MYO18A: variants seen among roughly 807,000 people sequenced by gnomAD.
MYO18A encodes the protein myosin XVIIIA.
MYO18A carries 78 observed loss-of-function variants against 235.8 expected under a neutral mutation model. That is an observed-to-expected ratio of 0.33 (90% CI 0.28 to 0.40). The LOEUF is 0.40. Among genes scored for constraint, MYO18A ranks in the 10% least tolerant of loss-of-function variants. The pLI, the probability that MYO18A is intolerant of heterozygous loss-of-function variation, is 1.00. For synonymous variants in MYO18A, 977 were observed against 1,077.8 expected, an observed-to-expected ratio of 0.91 and a Z score of 1.83; for missense variants, 2,215 against 2,699.3, an observed-to-expected ratio of 0.82 and a Z score of 3.98.
At chr17:29,128,282 C>A in intron 2 of MYO18A, 1 of 1,186,112 alleles carries the variant, frequency 8.4e-7, no homozygotes, top group Non-Finnish European at 1.1e-6. Context: ...CTTGACTCCT[C>A]TGCCTGGGGT....
Position 29,116,613 on chromosome 17 carries a change from G to GCACGCACACACACACA in MYO18A, c.2039-159_2039-158insTGTGTGTGTGTGCGTG, listed in dbSNP as rs1555532995. Among the ~76,000 whole-genome samples, 10 of 144,928 alleles carry GCACGCACACACACACA rather than the reference G, an allele frequency of 6.9e-5. No homozygotes were observed. The East Asian group carries it at 1.3e-3, about 18-fold the overall frequency. ...AACCACAGTCAGACTTGGGACAAAC[G>GCACGCACACACACACA]CACACACACACAGTCTCCAGGGAGT... is the stretch of plus-strand genomic sequence containing the variant. On this transcript the variant is annotated intron_variant, in intron 10 of 41. Coordinates refer to ENST00000527372, the MANE Select transcript of MYO18A (RefSeq NM_078471.4).
chr17:29,106,007 A>G lies in MYO18A; in HGVS notation c.3441+1073T>C, dbSNP rs2066775920. 6.6e-6 allele frequency among the ~76,000 whole-genome samples: 1 copy of G among 152,068 alleles called. No homozygotes were observed. The highest frequency in any genetic ancestry group is 1.5e-5 in the Non-Finnish European group (1 of 68,010). ...GAGTGACTGCAGAGTGAACCATGGA[A>G]AAGGAGACAATTCACAGAGAAATGG... On this transcript the variant is annotated intron_variant, in intron 20 of 41. Coordinates refer to ENST00000527372, the MANE Select transcript of MYO18A (RefSeq NM_078471.4). The surrounding 1 kb of genome is among the most constrained non-coding windows in gnomAD (Gnocchi z 4.6).
At chr17:29,159,548 C>T (rs1397595492) in intron 2 of MYO18A, among the ~76,000 whole-genome samples, 2 of 152,212 alleles carry the variant, frequency 1.3e-5, no homozygotes, top group Non-Finnish European at 2.9e-5. Context: ...CCAAGGATCA[C>T]TTGCAGTAAA....
At chr17:29,108,805 C>T (rs930007634) in intron 19 of MYO18A, among the ~76,000 whole-genome samples, 9 of 50,640 alleles carry the variant, frequency 1.8e-4, no homozygotes, top group African/African-American at 7.8e-4. Context: ...AATTAATCAT[C>T]AGTGCTATAG....
rs1175780866 is a variant in MYO18A, at chr17:29,122,207, G to A, written c.1046C>T (p.Thr349Met). 30 of 1,613,458 alleles carry A rather than the reference G, an allele frequency of 1.9e-5. No individual in the cohort carries two copies. The highest frequency in any genetic ancestry group is 2.7e-5 in the African/African-American group (2 of 74,924). Residue 349 changes from threonine (T) to methionine (M), a missense_variant, in exon 3 of 42, where the codon ACG (threonine) becomes ATG (methionine). Thr to Met is a moderately conservative substitution (Grantham distance 81). Transcript: ENST00000527372. ...QIAAEEAWNE[T>M]EKVWLVHRDG... ...CCTATGGACCAGCCACACCTTCTCC[G>A]TCTCATTCCAGGCCTCTTCTGCTGC...
chr17:29,111,777 G>A lies in MYO18A; in HGVS notation c.2685C>T (p.Asp895=). The change falls in exon 16 of 42, where the codon GAC becomes GAT. Residue 895 remains aspartate (D), a synonymous_variant. Transcript: ENST00000527372. This position sits in a 1 kb window ranked among gnomAD's most constrained non-coding sequence, Gnocchi z 5.1. ...AGGAGAAAAGGCGCTCCAGGAGGGT[G>A]TCCTCACTGGCCCCTGGCACCAGAG... ...EEALVPGASE[D]TLLERLFSYY... is the part of the protein sequence containing the mutation. The A allele has an allele frequency of 6.2e-7, 1 of 1,613,832 alleles. No homozygotes were observed. The highest frequency in any genetic ancestry group is 8.5e-7 in the Non-Finnish European group (1 of 1,179,794).
At chr17:29,129,635 G>A (rs147145038) in intron 2 of MYO18A, among the ~76,000 whole-genome samples, 4 of 152,338 alleles carry the variant, frequency 2.6e-5, no homozygotes, top group African/African-American at 9.6e-5. Flanking sequence ...AATGATCTTG[G>A]TTCTAGAACA....
Position 29,140,406 on chromosome 17 carries a change from T to C in MYO18A, c.1000-18153A>G. The C allele has an allele frequency of 7.8e-7, 1 of 1,283,104 alleles. No individual in the cohort carries two copies. Among genetic ancestry groups the C allele is most frequent in the Non-Finnish European group, 1.0e-6 (1 of 985,852 alleles). 79.5% of individuals were successfully genotyped at this position (1,283,104 alleles called of 1,614,324 possible). A position where few individuals can be genotyped will look rare whatever the true frequency, so the allele number is the denominator to read the frequency against. On this transcript the variant is annotated intron_variant, in intron 2 of 41. Coordinates refer to ENST00000527372, the MANE Select transcript of MYO18A (RefSeq NM_078471.4). The surrounding 1 kb of genome is among the most constrained non-coding windows in gnomAD (Gnocchi z 4.2). ...CGCTCTGATGCTGCTCTGGCTCCGT[T>C]AGCAGCTCAAAATAGCACAGGCTGT...
At chr17:29,178,220 A>C (rs1004530938) in intron 1 of MYO18A, among the ~76,000 whole-genome samples, 1 of 152,146 alleles carries the variant, frequency 6.6e-6, no homozygotes, top group Non-Finnish European at 1.5e-5. Context: ...GGCATAACCC[A>C]CATGAGGAAA....
intron 7 of MYO18A, 116 bp from the exon 8 acceptor site, chr17:29,119,551 G>T: frequency 5.3e-6 from 3 of 566,482 alleles, no homozygotes; most frequent in East Asian, 3.4e-5. Flanking sequence ...ACAAGCAGCT[G>T]CATTTTTTTT....
intron 1 of MYO18A, among the ~76,000 whole-genome samples, chr17:29,169,251 C>T (rs558418740): frequency 2.0e-4 from 30 of 152,184 alleles, no homozygotes; most frequent in Middle Eastern, 3.4e-3. Flanking sequence ...GGGTTTTCAC[C>T]GTGTTAGCCA....
intron 34 of MYO18A, chr17:29,091,788 G>A (rs2066404085): frequency 4.9e-6 from 2 of 410,314 alleles, no homozygotes; most frequent in East Asian, 1.4e-4. Context: ...CCTGCCCACT[G>A]GGGTGGGTCC....
At chr17:29,133,190 C>T (rs902596297) in intron 2 of MYO18A, among the ~76,000 whole-genome samples, 2 of 152,248 alleles carry the variant, frequency 1.3e-5, no homozygotes, top group Non-Finnish European at 2.9e-5. Flanking sequence ...GTCTGAAACA[C>T]TGGGCCCAGC....
At chr17:29,150,871 T>C (rs780625679) in intron 2 of MYO18A, among the ~76,000 whole-genome samples, 1 of 152,226 alleles carries the variant, frequency 6.6e-6, no homozygotes, top group Non-Finnish European at 1.5e-5. Flanking sequence ...TTATTGTTGC[T>C]GTAGAAACAG....
At chr17:29,176,125 GAGA>G (rs1239640007) in intron 1 of MYO18A, among the ~76,000 whole-genome samples, 1 of 151,898 alleles carries the variant, frequency 6.6e-6, no homozygotes, top group Non-Finnish European at 1.5e-5. Context: ...GAGAGTAGGG[GAGA>G]AGAAGGGTAA....
rs2065881689 is a variant in MYO18A, at chr17:29,071,290, G to A, written c.*3480C>T. On this transcript the variant is annotated 3_prime_UTR_variant, in exon 42 of 42. Transcript: ENST00000527372. ...AGGCTGGCTTTGAGCCTGGCAAAGG[G>A]CCAGATTTGCCTTCTGCAACATCTT... The A allele has an allele frequency of 6.6e-6, 1 of 152,252 alleles. No homozygotes were observed. 9.4% of individuals were successfully genotyped at this position (152,252 alleles called of 1,614,324 possible).
intron 18 of MYO18A, 73 bp downstream of exon 18, chr17:29,110,363 A>G: frequency 6.8e-7 from 1 of 1,463,360 alleles, no homozygotes; most frequent in Non-Finnish European, 9.1e-7. Context: ...GTGTGCTCGG[A>G]GTCCCCAGGC....
At chr17:29,136,308 G>A (rs2067602548) in intron 2 of MYO18A, among the ~76,000 whole-genome samples, 1 of 141,184 alleles carries the variant, frequency 7.1e-6, no homozygotes, top group Admixed American at 7.1e-5. Context: ...AACCTACCAT[G>A]TACCCACAAA....
chr17:29,148,588 G>GTA (rs1199869531), intron 2 of MYO18A, among the ~76,000 whole-genome samples: 1 of 126,224 alleles, frequency 7.9e-6, no homozygotes, highest in Non-Finnish European at 1.6e-5. Flanking sequence ...TCTTTTGTGT[G>GTA]TGTGTGTGTG....
Sources: gnomAD v4.1 joint callset for allele counts (sites outside exome capture counted in the v4.1 genomes callset) on GRCh38, gnomAD v4.1.1 for gene constraint, Gnocchi (gnomAD v3.1) non-coding constraint, MANE v1.5 for transcripts, NCBI Gene and HGNC (gene_info 2026-07-23, HGNC 2026-07-21) for gene names.